The following LOC128462377 variants were observed in gnomAD, a reference collection of about 807,000 sequenced individuals.
the LOC128462377 span, among the ~76,000 whole-genome samples, chr16:89,398,561 T>A: frequency 2.6e-3 from 395 of 151,720 alleles, 3 homozygotes; most frequent in Middle Eastern, 0.031. Flanking sequence ...TTAAAAAAAA[T>A]TTTTTTTTAA....
chr16:89,365,725 C>T, the LOC128462377 span, among the ~76,000 whole-genome samples: 2 of 151,974 alleles, frequency 1.3e-5, no homozygotes, highest in African/African-American at 4.8e-5. Context: ...TTTTTTTTAA[C>T]TTTGTTTTAG....
the LOC128462377 span, among the ~76,000 whole-genome samples, chr16:89,405,252 T>C: frequency 2.0e-5 from 3 of 152,166 alleles, no homozygotes; most frequent in South Asian, 4.1e-4. Context: ...CGGTCTGTTG[T>C]GGAACAAAAT....
chr16:89,397,526 C>T, the LOC128462377 span, among the ~76,000 whole-genome samples: 2 of 152,356 alleles, frequency 1.3e-5, no homozygotes, highest in Non-Finnish European at 2.9e-5. Flanking sequence ...TCTGTGCAGT[C>T]GTCCCTGACG....
chr16:89,321,425 G>A, the LOC128462377 span, among the ~76,000 whole-genome samples: 2 of 149,642 alleles, frequency 1.3e-5, no homozygotes, highest in African/African-American at 2.5e-5. Context: ...ACTGTGGGGC[G>A]GGGCCTGCAG....
chr16:89,390,575 TG>T, the LOC128462377 span, among the ~76,000 whole-genome samples: 1 of 152,044 alleles, frequency 6.6e-6, no homozygotes, highest in Non-Finnish European at 1.5e-5. Flanking sequence ...TCACAAAACA[TG>T]GAGAACCTGA....
chr16:89,396,928 C>G, the LOC128462377 span, among the ~76,000 whole-genome samples: 6 of 143,140 alleles, frequency 4.2e-5, no homozygotes, highest in Admixed American at 2.2e-4. Context: ...CTCAGGTGAT[C>G]CAGCTGCCTC....
the LOC128462377 span, among the ~76,000 whole-genome samples, chr16:89,348,946 G>A: frequency 6.7e-6 from 1 of 149,540 alleles, no homozygotes; most frequent in Non-Finnish European, 1.5e-5. Flanking sequence ...TCGTCAACAT[G>A]GTGAAGCCTC....
chr16:89,413,815 G>A, the LOC128462377 span, among the ~76,000 whole-genome samples: 2 of 152,018 alleles, frequency 1.3e-5, no homozygotes, highest in Non-Finnish European at 1.5e-5. Context: ...CTCCCACAAC[G>A]CCCTAGGATG....
At chr16:89,319,215 G>A in the LOC128462377 span, among the ~76,000 whole-genome samples, 5 of 152,252 alleles carry the variant, frequency 3.3e-5, no homozygotes, top group Non-Finnish European at 7.3e-5. Flanking sequence ...TGGTCAGGGC[G>A]CAGACCCCAC....
At chr16:89,335,577 G>A in the LOC128462377 span, among the ~76,000 whole-genome samples, 1 of 152,166 alleles carries the variant, frequency 6.6e-6, no homozygotes, top group Non-Finnish European at 1.5e-5. Flanking sequence ...GCAGAACAGC[G>A]AGTGACGTCG....
At chr16:89,386,863 G>A in the LOC128462377 span, among the ~76,000 whole-genome samples, 1 of 152,150 alleles carries the variant, frequency 6.6e-6, no homozygotes, top group Admixed American at 6.5e-5. Flanking sequence ...AGCTGTGTGC[G>A]AACAGACAAG....
chr16:89,324,122 G>A, the LOC128462377 span: 547 of 722,594 alleles, frequency 7.6e-4, no homozygotes, highest in African/African-American at 8.5e-3. Flanking sequence ...AGTGCCCCAC[G>A]GCACAACGCT....
At chr16:89,330,678 G>GGGT in the LOC128462377 span, among the ~76,000 whole-genome samples, 1 of 64,884 alleles carries the variant, frequency 1.5e-5, no homozygotes. Flanking sequence ...GGGGGGGGCG[G>GGGT]GGGCGGAGGA....
At chr16:89,351,338 G>T in the LOC128462377 span, among the ~76,000 whole-genome samples, 2 of 152,186 alleles carry the variant, frequency 1.3e-5, no homozygotes, top group African/African-American at 4.8e-5. Context: ...CATGGCCCTA[G>T]GGAAGGAAGA....
chr16:89,411,256 G>C, the LOC128462377 span, among the ~76,000 whole-genome samples: 108 of 152,294 alleles, frequency 7.1e-4, 4 homozygotes, highest in South Asian at 0.022. Context: ...GGACCTTTTT[G>C]CTCTACTTCT....
At chr16:89,345,811 T>C in the LOC128462377 span, among the ~76,000 whole-genome samples, 1 of 152,080 alleles carries the variant, frequency 6.6e-6, no homozygotes, top group Non-Finnish European at 1.5e-5. Flanking sequence ...CCTCTATCAA[T>C]GCTAGGTACA....
the LOC128462377 span, among the ~76,000 whole-genome samples, chr16:89,329,336 G>C: frequency 6.6e-6 from 1 of 152,140 alleles, no homozygotes; most frequent in Non-Finnish European, 1.5e-5. Flanking sequence ...GTGGGGAAGG[G>C]CACAAGGGAT....
At chr16:89,401,019 G>A in the LOC128462377 span, among the ~76,000 whole-genome samples, 7 of 152,300 alleles carry the variant, frequency 4.6e-5, no homozygotes, top group Admixed American at 3.9e-4. Context: ...GAGGCCCCGC[G>A]TGTGGGTGGA....
At chr16:89,332,663 A>T in the LOC128462377 span, among the ~76,000 whole-genome samples, 3 of 152,214 alleles carry the variant, frequency 2.0e-5, no homozygotes, top group African/African-American at 4.8e-5. Context: ...AACGACAAAC[A>T]CAACGAGAGA....
Sources: gnomAD v4.1 joint callset for allele counts (sites outside exome capture counted in the v4.1 genomes callset) on GRCh38, gnomAD v4.1.1 for gene constraint, MANE v1.5 for transcripts.